SGCZ: variants seen among roughly 807,000 people sequenced by gnomAD.
SGCZ encodes the protein zeta-sarcoglycan.
In SGCZ, 40 loss-of-function variants were observed where a neutral mutation model predicts 41.3. That is an observed-to-expected ratio of 0.97 (90% CI 0.75 to 1.26). SGCZ has a LOEUF of 1.26. SGCZ is among the 50% of genes most tolerant of loss of function. SGCZ has a pLI of 0.00. For synonymous variants in SGCZ, 206 were observed against 137.5 expected (o/e 1.50, Z -3.49); for missense variants, 552 against 369.8 (o/e 1.49, Z -4.04).
intron 1 of SGCZ, among the ~76,000 whole-genome samples, chr8:14,904,851 T>G (rs564018180): frequency 2.6e-5 from 4 of 152,020 alleles, no homozygotes; most frequent in Non-Finnish European, 5.9e-5. Context: ...TATTCCTTTA[T>G]GATGTTTTAT....
At chr8:14,385,194 A>ATG (rs1804528794) in intron 2 of SGCZ, among the ~76,000 whole-genome samples, 1 of 152,124 alleles carries the variant, frequency 6.6e-6, no homozygotes, top group Non-Finnish European at 1.5e-5. Context: ...ATTAGTGAAC[A>ATG]TGGAGTTGAG....
intron 1 of SGCZ, among the ~76,000 whole-genome samples, chr8:15,228,316 C>T (rs1376950360): frequency 6.6e-6 from 1 of 152,106 alleles, no homozygotes; most frequent in Non-Finnish European, 1.5e-5. Context: ...ACTAAATGTT[C>T]ATAATTTCTC....
At chr8:14,164,455 A>G (rs937270502) in intron 5 of SGCZ, 125 bp downstream of exon 5, 2 of 1,177,050 alleles carry the variant, frequency 1.7e-6, no homozygotes, top group Non-Finnish European at 2.4e-6. Context: ...TTGAAGAACA[A>G]ACGTTGTGAT....
intron 1 of SGCZ, among the ~76,000 whole-genome samples, chr8:14,896,611 G>C (rs770022792): frequency 2.7e-4 from 41 of 151,850 alleles, no homozygotes; most frequent in Non-Finnish European, 4.7e-4. Flanking sequence ...TAGGTAGCTG[G>C]GATTACAGGT....
chr8:14,815,962 T>C (rs76788387), intron 1 of SGCZ, among the ~76,000 whole-genome samples: 2 of 152,238 alleles, frequency 1.3e-5, no homozygotes, highest in Admixed American at 1.3e-4. Flanking sequence ...CCAATAAAAA[T>C]ATAATGTGAG....
At chr8:14,317,411 G>A (rs567461598) in intron 3 of SGCZ, among the ~76,000 whole-genome samples, 1 of 151,874 alleles carries the variant, frequency 6.6e-6, no homozygotes, top group Non-Finnish European at 1.5e-5. Context: ...AGTGTATGCT[G>A]AATGTTAGCT....
At chr8:14,827,532 G>C (rs927920498) in intron 1 of SGCZ, among the ~76,000 whole-genome samples, 11 of 152,028 alleles carry the variant, frequency 7.2e-5, no homozygotes, top group African/African-American at 2.4e-4. Flanking sequence ...TGTCCCATTT[G>C]CCAATTCCAT....
In SGCZ at chr8:14,089,046, T is replaced by C. The variant is rs572381089; in HGVS notation, c.*1397A>G. ...CCATAATAGGAAATACTTAATACAG[T>C]TTTACATTCTTTGACTCTGTAAGTT... On this transcript the variant is annotated 3_prime_UTR_variant, in exon 8 of 8. Coordinates refer to ENST00000382080, the MANE Select transcript of SGCZ (RefSeq NM_139167.4). Among the ~76,000 whole-genome samples, 5 of 152,076 alleles carry C rather than the reference T, an allele frequency of 3.3e-5. No individual in the cohort carries two copies. Among genetic ancestry groups the C allele is most frequent in the African/African-American group, 1.2e-4 (5 of 41,556 alleles).
At position 14,808,781 on chromosome 8, in the gene SGCZ, G is replaced by A. The variant is rs1414095037; in HGVS notation, c.40-253855C>T. Among the ~76,000 whole-genome samples the A allele has an allele frequency of 7.2e-5, 11 of 151,730 alleles. No individual in the cohort carries two copies. In the East Asian group the frequency reaches 7.7e-4, roughly 11 times the overall value. On this transcript the variant is annotated intron_variant, in intron 1 of 7. Coordinates refer to ENST00000382080, the MANE Select transcript of SGCZ (RefSeq NM_139167.4). ...TGCTGCTATAAAGACACATGCACAC[G>A]TATGTTTATTGTGGCACTATTCACA...
chr8:14,375,781 T>G (rs1804098699), intron 2 of SGCZ, among the ~76,000 whole-genome samples: 1 of 151,858 alleles, frequency 6.6e-6, no homozygotes, highest in African/African-American at 2.4e-5. Context: ...ACAATGAAAA[T>G]GAATAAATTA....
chr8:14,832,382 C>G (rs184003861), intron 1 of SGCZ, among the ~76,000 whole-genome samples: 2 of 152,096 alleles, frequency 1.3e-5, no homozygotes, highest in African/African-American at 4.8e-5. Flanking sequence ...TGAATTTACA[C>G]AAAATTCCAT....
intron 1 of SGCZ, among the ~76,000 whole-genome samples, chr8:15,020,912 G>C (rs1803224754): frequency 6.6e-6 from 1 of 152,176 alleles, no homozygotes; most frequent in Non-Finnish European, 1.5e-5. Flanking sequence ...TCAGTTAAAA[G>C]TGGTTATTTT....
At chr8:14,581,170 C>T (rs769259594) in intron 1 of SGCZ, among the ~76,000 whole-genome samples, 8 of 152,020 alleles carry the variant, frequency 5.3e-5, no homozygotes, top group Admixed American at 1.3e-4. Context: ...TGCAGTGGTG[C>T]GATCTCGGCT....
At chr8:14,522,911 T>C (rs528893618) in intron 2 of SGCZ, among the ~76,000 whole-genome samples, 1 of 151,958 alleles carries the variant, frequency 6.6e-6, no homozygotes, top group South Asian at 2.1e-4. Flanking sequence ...ATATTTTATG[T>C]TGTCTTTTAG....
At chr8:14,406,441 T>C (rs1336898197) in intron 2 of SGCZ, among the ~76,000 whole-genome samples, 1 of 152,200 alleles carries the variant, frequency 6.6e-6, no homozygotes, top group Admixed American at 6.5e-5. Flanking sequence ...AGAAGGGGAA[T>C]ATCATTTCTC....
At chr8:15,012,249 G>A (rs1264135454) in intron 1 of SGCZ, among the ~76,000 whole-genome samples, 4 of 151,794 alleles carry the variant, frequency 2.6e-5, no homozygotes, top group African/African-American at 4.8e-5. Context: ...GATCACTTAA[G>A]ACCAAGAATT....
chr8:15,062,957 G>C (rs771595967), intron 1 of SGCZ, among the ~76,000 whole-genome samples: 2 of 152,046 alleles, frequency 1.3e-5, no homozygotes, highest in African/African-American at 2.4e-5. Context: ...TTCTCAGAAA[G>C]ATACTAAAAA....
chr8:14,413,450 T>C (rs989451852), intron 2 of SGCZ, among the ~76,000 whole-genome samples: 4 of 152,006 alleles, frequency 2.6e-5, no homozygotes, highest in Admixed American at 2.0e-4. Context: ...TTCTTTCCTC[T>C]TTTAAGATTT....
chr8:14,447,558 A>G (rs1219401810), intron 2 of SGCZ, among the ~76,000 whole-genome samples: 2 of 152,194 alleles, frequency 1.3e-5, no homozygotes, highest in Non-Finnish European at 2.9e-5. Context: ...AAGCATTACA[A>G]CATTTAAAAG....
Sources: allele counts gnomAD v4.1 joint callset (sites outside exome capture counted in the v4.1 genomes callset), GRCh38; gene constraint gnomAD v4.1.1; transcripts MANE v1.5; gene names NCBI Gene and HGNC (gene_info 2026-07-23, HGNC 2026-07-21).